The following FAM161A variants were observed in gnomAD, a reference collection of about 807,000 sequenced individuals.
The protein encoded by FAM161A is FAM161 centrosomal protein A.
Under a neutral mutation model 70.9 loss-of-function variants are expected in FAM161A, and 57 were observed. That is an observed-to-expected ratio of 0.80 (90% CI 0.65 to 1.00). The LOEUF (loss-of-function observed/expected upper bound fraction) is 1.00, where lower values mean the gene tolerates loss of function less well. FAM161A is among the 50% of genes least tolerant of loss of function. The probability of loss-of-function intolerance (pLI) is 0.00; values close to 1 mark genes in which losing one functional copy is unlikely to be tolerated. For missense variants in FAM161A, 880 were observed against 836.0 expected, an observed-to-expected ratio of 1.05 and a Z score of -0.65; for synonymous variants, 299 against 295.7, an observed-to-expected ratio of 1.01 and a Z score of -0.12.
chr2:61,803,191 G>A, the FAM161A span: 5 of 544,688 alleles, frequency 9.2e-6, no homozygotes, highest in South Asian at 4.8e-5. Context: ...GCCTAAGACA[G>A]AAATTCAGAA....
At chr2:61,848,827 TC>T (rs66471008) in intron 1 of FAM161A, among the ~76,000 whole-genome samples, 2,178 of 9,994 alleles carry the variant, frequency 0.22, 706 homozygotes, top group East Asian at 0.51. Context: ...TATATATATA[TC>T]TATATATATT....
rs1341954399 is a variant in FAM161A, at chr2:61,840,112, C to A, written c.892G>T (p.Asp298Tyr). 6.2e-7 allele frequency: 1 copy of A among 1,614,150 alleles called. No homozygotes were observed. Among genetic ancestry groups the A allele is most frequent in the Non-Finnish European group, 8.5e-7 (1 of 1,180,038 alleles). ...PASVFLPLYH[D>Y]LVKQKEERRR... Reference sequence around the variant, plus strand: ...CGTTCTTCTTTTTGCTTGACTAAATCATGGTAAAGGGGGAGAAAGACAGAT... The same window carrying A: ...CGTTCTTCTTTTTGCTTGACTAAATAATGGTAAAGGGGGAGAAAGACAGAT... The change falls in exon 3 of 7, where the codon GAT becomes TAT. Residue 298 changes from aspartate (D) to tyrosine (Y), a missense_variant. Asp to Tyr is a radical substitution (Grantham distance 160). Transcript: ENST00000404929.
At chr2:61,837,031 AT>A (rs1275757031) in intron 4 of FAM161A, among the ~76,000 whole-genome samples, 1 of 151,998 alleles carries the variant, frequency 6.6e-6, no homozygotes, top group East Asian at 1.9e-4. Context: ...CACCTGGCTA[AT>A]TTTTTTAAAT....
chr2:61,830,365 C>A (rs1204955115), intron 5 of FAM161A, among the ~76,000 whole-genome samples: 1 of 151,948 alleles, frequency 6.6e-6, no homozygotes, highest in Non-Finnish European at 1.5e-5. Flanking sequence ...TGGGGAGGAA[C>A]TGGGTACACA....
At chr2:61,843,088 A>C (rs1157225436) in intron 1 of FAM161A, among the ~76,000 whole-genome samples, 5 of 152,198 alleles carry the variant, frequency 3.3e-5, no homozygotes, top group Non-Finnish European at 7.3e-5. Context: ...CATGTTTAGA[A>C]GGGTCTGACT....
chr2:61,817,573 C>T, the FAM161A span, among the ~76,000 whole-genome samples: 241 of 152,298 alleles, frequency 1.6e-3, 1 homozygote, highest in Middle Eastern at 3.4e-3. Context: ...GTCTCTTTTT[C>T]GCATGACAGA....
chr2:61,850,461 C>T (rs182531952), intron 1 of FAM161A, among the ~76,000 whole-genome samples: 24 of 151,994 alleles, frequency 1.6e-4, no homozygotes, highest in Admixed American at 4.6e-4. Flanking sequence ...GTATGTATAT[C>T]GACAGTGGAG....
At chr2:61,817,148 G>C in the FAM161A span, among the ~76,000 whole-genome samples, 1 of 152,308 alleles carries the variant, frequency 6.6e-6, no homozygotes, top group African/African-American at 2.4e-5. Context: ...GTGCCACGCG[G>C]GGACAGGGCC....
At chr2:61,819,190 A>G in the FAM161A span, among the ~76,000 whole-genome samples, 6,582 of 152,324 alleles carry the variant, frequency 0.043, 187 homozygotes, top group African/African-American at 0.082. Flanking sequence ...CTAAAGAGCT[A>G]TCAAAACTAA....
chr2:61,827,348 C>A (rs1257730276), intron 5 of FAM161A, 90 bp from the exon 6 acceptor site: 1 of 1,294,032 alleles, frequency 7.7e-7, no homozygotes, highest in East Asian at 2.4e-5. Context: ...CGGTGGCTCA[C>A]GCCTGTAATC....
downstream of FAM161A, among the ~76,000 whole-genome samples, chr2:61,824,193 ATTTTT>A (rs5831622): frequency 4.1e-4 from 53 of 127,810 alleles, 1 homozygote; most frequent in African/African-American, 1.1e-3. Context: ...CGCCTGGCTA[ATTTTT>A]TTTTTTTTTT....
chr2:61,813,360 G>T, the FAM161A span, among the ~76,000 whole-genome samples: 2 of 148,762 alleles, frequency 1.3e-5, no homozygotes, highest in Non-Finnish European at 3.0e-5. Context: ...GGCCAATATG[G>T]TGACACCTCG....
intron 1 of FAM161A, among the ~76,000 whole-genome samples, chr2:61,853,286 AT>A (rs1472843754): frequency 6.6e-6 from 1 of 152,136 alleles, no homozygotes; most frequent in Non-Finnish European, 1.5e-5. Context: ...TCCACAACAG[AT>A]TTAACAATGA....
intron 3 of FAM161A, among the ~76,000 whole-genome samples, 179 bp from the exon 4 acceptor site, chr2:61,838,884 ATTTATTTATTTT>A (rs1016464008): frequency 3.7e-5 from 5 of 133,620 alleles, no homozygotes; most frequent in African/African-American, 8.4e-5. Flanking sequence ...TTATTTATTT[ATTTATTTATTTT>A]TTTTGAGATG....
chr2:61,808,645 T>C, the FAM161A span, among the ~76,000 whole-genome samples: 1 of 152,140 alleles, frequency 6.6e-6, no homozygotes, highest in South Asian at 2.1e-4. Flanking sequence ...TAGAATACAG[T>C]ATTCAGGAAA....
chr2:61,813,658 G>A, the FAM161A span, among the ~76,000 whole-genome samples: 1 of 148,730 alleles, frequency 6.7e-6, no homozygotes, highest in East Asian at 2.0e-4. Flanking sequence ...GGGTGAGGCT[G>A]CAGTCAGCTG....
the FAM161A span, among the ~76,000 whole-genome samples, chr2:61,802,217 G>A: frequency 6.6e-6 from 1 of 152,080 alleles, no homozygotes; most frequent in Non-Finnish European, 1.5e-5. Flanking sequence ...GTGACCGCAG[G>A]GGACATAAGA....
At position 61,840,098 on chromosome 2, in the gene FAM161A, T is replaced by C. The variant is rs76110744; in HGVS notation, c.906A>G (p.Gln302=). The C allele has an allele frequency of 1.2e-3, 1,964 of 1,614,214 alleles. 29 individuals carry two copies. The African/African-American group carries it at 0.024, about 20-fold the overall frequency. ...TCAGAGACCTTCTCCGTTCTTCTTT[T>C]TGCTTGACTAAATCATGGTAAAGGG... ...FLPLYHDLVK[Q]KEERRRSLKE... Residue 302 remains glutamine, a synonymous_variant, in exon 3 of 7, where the codon CAA becomes CAG. Coordinates refer to ENST00000404929, the MANE Select transcript of FAM161A (RefSeq NM_001201543.2).
At chr2:61,832,259 A>C (rs968912726) in intron 5 of FAM161A, among the ~76,000 whole-genome samples, 39 of 150,552 alleles carry the variant, frequency 2.6e-4, no homozygotes, top group Admixed American at 1.3e-3. Flanking sequence ...ACAAAAAAAA[A>C]CCAACAACAA....
Sources: allele counts gnomAD v4.1 joint callset (sites outside exome capture counted in the v4.1 genomes callset), GRCh38; gene constraint gnomAD v4.1.1; transcripts MANE v1.5; gene names NCBI Gene and HGNC (gene_info 2026-07-23, HGNC 2026-07-21).